Variants in ADAMTSL1 observed in about 807,000 individuals in gnomAD.
ADAMTSL1 encodes the protein ADAMTS-like protein 1.
Under a neutral mutation model 201.8 loss-of-function variants are expected in ADAMTSL1, and 126 were observed. The ratio of observed to expected loss-of-function variants is 0.62; its 90% confidence interval spans 0.54 to 0.72. The LOEUF (loss-of-function observed/expected upper bound fraction) is 0.72. Among genes scored for constraint, ADAMTSL1 ranks in the 30% least tolerant of loss-of-function variants. The pLI is 0.00. For missense variants in ADAMTSL1, 2,679 were observed against 2,277.8 expected, an observed-to-expected ratio of 1.18 and a Z score of -3.59; for synonymous variants, 1,121 against 903.4, an observed-to-expected ratio of 1.24 and a Z score of -4.32.
chr9:18,658,827 A>G (rs975071201), intron 8 of ADAMTSL1, among the ~76,000 whole-genome samples: 2 of 152,228 alleles, frequency 1.3e-5, no homozygotes, highest in African/African-American at 4.8e-5. Flanking sequence ...CTTTTATAAT[A>G]CAATGAATAA....
At chr9:18,147,683 G>A (rs1487530727) in intron 1 of ADAMTSL1, among the ~76,000 whole-genome samples, 3 of 151,960 alleles carry the variant, frequency 2.0e-5, no homozygotes, top group Non-Finnish European at 4.4e-5. Context: ...GTTATTTTTT[G>A]GCTGACCTAT....
intron 1 of ADAMTSL1, among the ~76,000 whole-genome samples, chr9:18,504,253 A>G (rs1398969008): frequency 6.6e-6 from 1 of 152,222 alleles, no homozygotes; most frequent in Non-Finnish European, 1.5e-5. Context: ...AAATTTTCCT[A>G]GAAAGCCTGT....
At chr9:18,886,211 T>TACACAC (rs33989297) in intron 23 of ADAMTSL1, among the ~76,000 whole-genome samples, 7 of 105,892 alleles carry the variant, frequency 6.6e-5, no homozygotes, top group African/African-American at 2.8e-4. Context: ...TATATATATA[T>TACACAC]ACACACACAT....
chr9:18,199,161 A>G (rs1829321684), intron 2 of ADAMTSL1, among the ~76,000 whole-genome samples: 1 of 151,698 alleles, frequency 6.6e-6, no homozygotes, highest in Admixed American at 6.6e-5. Context: ...CTAATGCTAG[A>G]TGACGAGTTA....
chr9:18,227,213 G>A (rs1052828155), intron 2 of ADAMTSL1, among the ~76,000 whole-genome samples: 2 of 151,792 alleles, frequency 1.3e-5, no homozygotes, highest in Admixed American at 6.6e-5. Context: ...ATGCTAAATC[G>A]CTTATGTTCT....
rs954650316 is a variant in ADAMTSL1 at position 18,842,142 on chromosome 9, T to G, written c.4249+12165T>G. On this transcript the variant is annotated intron_variant, in intron 23 of 28. Transcript: ENST00000380548. ...TAATTGTGATGTTAGGGTGTCAATTTTGGATCTTTCCTGCTTTCTCTTGCG... is the reference window on the plus strand; with the variant it reads ...TAATTGTGATGTTAGGGTGTCAATTGTGGATCTTTCCTGCTTTCTCTTGCG... Among the ~76,000 whole-genome samples the G allele has an allele frequency of 3.5e-4, 54 of 152,120 alleles. 2 individuals carry two copies. Among genetic ancestry groups the G allele is most frequent in the Non-Finnish European group, 1.5e-5 (1 of 68,028 alleles).
intron 2 of ADAMTSL1, among the ~76,000 whole-genome samples, chr9:18,178,179 C>G (rs868169146): frequency 6.6e-6 from 1 of 152,130 alleles, no homozygotes. Context: ...GCACTGTGCG[C>G]GAGCCGAAGC....
intron 2 of ADAMTSL1, among the ~76,000 whole-genome samples, chr9:18,180,532 CAAAAAAA>C (rs71333030): frequency 1.1e-5 from 1 of 92,148 alleles, no homozygotes; most frequent in African/African-American, 5.2e-5. Flanking sequence ...GACTCCGTGT[CAAAAAAA>C]AAAAAAAAAA....
intron 9 of ADAMTSL1, 105 bp from the exon 10 acceptor site, chr9:18,675,752 T>C: frequency 2.1e-6 from 2 of 973,362 alleles, no homozygotes; most frequent in Non-Finnish European, 3.2e-6. Context: ...AATTTATTAA[T>C]GTTATTTTGC....
intron 1 of ADAMTSL1, among the ~76,000 whole-genome samples, chr9:17,998,380 G>C (rs949734531): frequency 6.6e-6 from 1 of 152,018 alleles, no homozygotes; most frequent in Non-Finnish European, 1.5e-5. Flanking sequence ...GGCAGAGCTA[G>C]GGTAGATAGG....
chr9:18,719,801 T>G lies in ADAMTSL1; in HGVS notation c.1877-1735T>G, dbSNP rs73435534. 7.7e-3 allele frequency among the ~76,000 whole-genome samples: 1,171 copies of G among 152,296 alleles called. 15 individuals carry two copies. The highest frequency in any genetic ancestry group is 0.027 in the African/African-American group (1,120 of 41,546). On this transcript the variant is annotated intron_variant, in intron 14 of 28. Coordinates refer to ENST00000380548, the MANE Select transcript of ADAMTSL1 (RefSeq NM_001040272.6). ...ATCAATGTCACATCAACCTAGGAAGTATTAGCTGATGATTGAGCTGATGAC... is the reference window on the plus strand; with the variant it reads ...ATCAATGTCACATCAACCTAGGAAGGATTAGCTGATGATTGAGCTGATGAC...
At chr9:18,364,425 A>C (rs985367567) in intron 2 of ADAMTSL1, among the ~76,000 whole-genome samples, 13 of 152,198 alleles carry the variant, frequency 8.5e-5, no homozygotes, top group Non-Finnish European at 1.3e-4. Flanking sequence ...TCAGGGGTAG[A>C]AGCAAACCCC....
intron 2 of ADAMTSL1, among the ~76,000 whole-genome samples, chr9:18,269,029 A>G (rs1182914574): frequency 6.6e-6 from 1 of 152,146 alleles, no homozygotes; most frequent in Non-Finnish European, 1.5e-5. Flanking sequence ...TATACAAATC[A>G]TTGTATATAA....
Position 18,480,987 on chromosome 9 carries a change from A to C in ADAMTSL1, c.63+6692A>C, listed in dbSNP as rs1015364268. On this transcript the variant is annotated intron_variant, in intron 1 of 28. Coordinates refer to ENST00000380548, the MANE Select transcript of ADAMTSL1 (RefSeq NM_001040272.6). ...CAAACAGTGAGGCCAAGAACATAGA[A>C]GCACACAGATCCAAGGGGAAGGCGA... Among the ~76,000 whole-genome samples the C allele has an allele frequency of 3.3e-5, 5 of 152,280 alleles. No individual in the cohort carries two copies. In the East Asian group the frequency reaches 9.7e-4, roughly 30 times the overall value.
At chr9:18,168,908 G>T (rs1587210519) in intron 2 of ADAMTSL1, among the ~76,000 whole-genome samples, 2 of 151,594 alleles carry the variant, frequency 1.3e-5, no homozygotes, top group South Asian at 4.2e-4. Context: ...GTGCTTTTTG[G>T]CTGCATAAAT....
chr9:18,059,395 G>C (rs1485910528), intron 1 of ADAMTSL1, among the ~76,000 whole-genome samples: 2 of 152,078 alleles, frequency 1.3e-5, no homozygotes, highest in Non-Finnish European at 2.9e-5. Flanking sequence ...CATGTATTTT[G>C]TGAAATATTG....
At chr9:17,933,435 A>G (rs531677798) in intron 1 of ADAMTSL1, among the ~76,000 whole-genome samples, 2 of 152,216 alleles carry the variant, frequency 1.3e-5, no homozygotes, top group South Asian at 4.1e-4. Context: ...GGCAGGGCAT[A>G]TTTTTGGGAG....
At chr9:18,217,324 C>T (rs758724526) in intron 2 of ADAMTSL1, among the ~76,000 whole-genome samples, 17 of 152,082 alleles carry the variant, frequency 1.1e-4, no homozygotes, top group Non-Finnish European at 2.4e-4. Context: ...ATGATTTGCC[C>T]GTGTGTTTTT....
chr9:18,662,073 G>A lies in ADAMTSL1; in HGVS notation c.1085G>A (p.Ser362Asn). 6.2e-7 allele frequency: 1 copy of A among 1,611,266 alleles called. No homozygotes were observed. Among genetic ancestry groups the A allele is most frequent in the Non-Finnish European group, 8.5e-7 (1 of 1,179,188 alleles). ...QECNLDPCPASDGYKQIMPYD... is the reference protein window; with the variant it reads ...QECNLDPCPANDGYKQIMPYD... ...TGCAACTTGGATCCTTGTCCAGCCA[G>A]GTCAGTCAAATTTGCTAGTTCATTT... The change falls in exon 9 of 29, where the codon AGT (serine) becomes AAT (asparagine). Residue 362 changes from serine to asparagine, a missense_variant and splice_region_variant. Ser to Asn is a conservative substitution (Grantham distance 46). Coordinates refer to ENST00000380548, the MANE Select transcript of ADAMTSL1 (RefSeq NM_001040272.6).
Sources: allele counts gnomAD v4.1 joint callset (sites outside exome capture counted in the v4.1 genomes callset), GRCh38; gene constraint gnomAD v4.1.1; transcripts MANE v1.5; gene names NCBI Gene and HGNC (gene_info 2026-07-23, HGNC 2026-07-21).